SPTBN2: variants seen among roughly 807,000 people sequenced by gnomAD.
The protein encoded by SPTBN2 is spectrin beta chain, non-erythrocytic 2.
In SPTBN2, 107 loss-of-function variants were observed where a neutral mutation model predicts 284.2. That is an observed-to-expected ratio of 0.38 (90% CI 0.32 to 0.44). The LOEUF (loss-of-function observed/expected upper bound fraction) is 0.44. Ranked by LOEUF, SPTBN2 falls within the 20% of genes least tolerant of loss-of-function variation. The pLI is 1.00. For missense variants in SPTBN2, 2,569 were observed against 3,287.1 expected, an observed-to-expected ratio of 0.78 and a Z score of 5.34; for synonymous variants, 1,289 against 1,354.8, an observed-to-expected ratio of 0.95 and a Z score of 1.07.
intron 36 of SPTBN2, 69 bp downstream of exon 36, chr11:66,686,925 T>A (rs987876831): frequency 6.2e-7 from 1 of 1,604,454 alleles, no homozygotes; most frequent in Admixed American, 1.7e-5. Flanking sequence ...CCTCTGGACC[T>A]GACTCATGGC....
At chr11:66,732,229 G>A (rs1228535426), upstream of SPTBN2, among the ~76,000 whole-genome samples, 5 of 152,148 alleles carry the variant, frequency 3.3e-5, no homozygotes, top group African/African-American at 1.2e-4. Context: ...CTTACTCAGG[G>A]TCATCAAACC....
rs748088213 is a variant in SPTBN2, at chr11:66,713,699, T to C, written c.704A>G (p.Tyr235Cys). The C allele has an allele frequency of 3.7e-6, 6 of 1,614,196 alleles. No individual in the cohort carries two copies. The Admixed American group carries it at 6.7e-5, about 18-fold the overall frequency. Residue 235 changes from tyrosine to cysteine, a missense_variant, in exon 8 of 38, where the codon TAT becomes TGT. By Grantham distance (194) the Tyr-to-Cys change is radical (BLOSUM62 -2). Transcript: ENST00000533211. ...FESLKKCNAH[Y>C]NLQNAFNLAE... ...CAGATTGAATGCATTCTGCAGATTA[T>C]AGTGTGCATTACACTTCTTCAGAGA...
chr11:66,686,968 C>A (rs371580792), intron 36 of SPTBN2, 26 bp downstream of exon 36: 6 of 1,613,288 alleles, frequency 3.7e-6, no homozygotes, highest in Non-Finnish European at 5.1e-6. Context: ...TCCTCCCATC[C>A]CGAGAGCACT....
At chr11:66,734,883 C>T (rs935739570) in intron 1 of SPTBN2, among the ~76,000 whole-genome samples, 3 of 152,098 alleles carry the variant, frequency 2.0e-5, no homozygotes, top group Non-Finnish European at 4.4e-5. Flanking sequence ...TTCTTTTATC[C>T]CTAATCTATC....
In SPTBN2 at chr11:66,708,882, G is replaced by A; in HGVS notation, c.1191+20C>T. The A allele has an allele frequency of 6.2e-7, 1 of 1,602,462 alleles. No homozygotes were observed. The highest frequency in any genetic ancestry group is 8.5e-7 in the Non-Finnish European group (1 of 1,169,690). ...CCAGGGCCTGCCCTGAGGGTGGGTG[G>A]CCTGTGGGCAGCCACGGACCTTGTT... is the stretch of plus-strand genomic sequence containing the variant. On this transcript the variant is annotated intron_variant, in intron 11 of 37. Coordinates refer to ENST00000533211, the MANE Select transcript of SPTBN2 (RefSeq NM_006946.4). This position sits in a 1 kb window ranked among gnomAD's most constrained non-coding sequence, Gnocchi z 4.4.
chr11:66,703,821 T>C (rs917116686), intron 15 of SPTBN2, among the ~76,000 whole-genome samples: 1 of 152,174 alleles, frequency 6.6e-6, no homozygotes, highest in East Asian at 1.9e-4. Flanking sequence ...TATTATTGAA[T>C]AAATGATTTG....
upstream of SPTBN2, among the ~76,000 whole-genome samples, chr11:66,733,984 C>CAAAAAA (rs60666832): frequency 1.3e-5 from 1 of 75,764 alleles, no homozygotes; most frequent in African/African-American, 4.9e-5. Context: ...GACTCCGTCT[C>CAAAAAA]AAAAAAAAAA....
intron 15 of SPTBN2, 139 bp downstream of exon 15, chr11:66,704,459 T>C: frequency 9.5e-7 from 1 of 1,050,542 alleles, no homozygotes. Flanking sequence ...TTAACATTTT[T>C]TGTTAAAACT....
At position 66,710,987 on chromosome 11, in the gene SPTBN2, T is replaced by C. The variant is rs548652480; in HGVS notation, c.815A>G (p.Tyr272Cys). The C allele has an allele frequency of 3.1e-6, 5 of 1,614,216 alleles. No individual in the cohort carries two copies. The highest frequency in any genetic ancestry group is 1.7e-5 in the Admixed American group (1 of 60,028). The stretch of plus-strand genomic sequence containing the variant: ...GAAGTAATGGTAGTAAGTAGCCACA[T>C]AGGTAATGATTGACTTCTCATCTGG... ...DQPDEKSIIT[Y>C]VATYYHYFSK... The change falls in exon 9 of 38, where the codon TAT becomes TGT. Residue 272 changes from tyrosine (Y) to cysteine (C), a missense_variant. Physicochemically the swap from Tyr to Cys is radical, Grantham distance 194. Around this residue, in one of 6 missense-constraint regions of SPTBN2, gnomAD observed 304 missense variants for 522.1 expected, o/e 0.58. Transcript: ENST00000533211. The surrounding 1 kb of genome is among the most constrained non-coding windows in gnomAD (Gnocchi z 4.9).
At chr11:66,727,598 G>A (rs1488751437) in intron 1 of SPTBN2, among the ~76,000 whole-genome samples, 3 of 151,832 alleles carry the variant, frequency 2.0e-5, no homozygotes, top group Admixed American at 6.6e-5. Flanking sequence ...CCCGCCGCCC[G>A]AAGCGTCTGC....
intron 1 of SPTBN2, among the ~76,000 whole-genome samples, chr11:66,744,086 C>A (rs1707469699): frequency 1.3e-5 from 2 of 152,132 alleles, no homozygotes; most frequent in South Asian, 4.1e-4. Flanking sequence ...GTCTCGAACT[C>A]CTGACCTCAG....
rs1197993014 is a variant in SPTBN2, at chr11:66,687,182, G to A, written c.6723-15C>T. Reference sequence around the variant, plus strand: ...TCTGCCAGGACCTGCGAGGGACGCGGTGCTGACTGGCCGGCCTCAGTGGCG... The same window carrying A: ...TCTGCCAGGACCTGCGAGGGACGCGATGCTGACTGGCCGGCCTCAGTGGCG... On this transcript the variant is annotated splice_polypyrimidine_tract_variant and intron_variant, in intron 35 of 37. Coordinates refer to ENST00000533211, the MANE Select transcript of SPTBN2 (RefSeq NM_006946.4). The surrounding 1 kb of genome is among the most constrained non-coding windows in gnomAD (Gnocchi z 5.2). The A allele has an allele frequency of 2.5e-6, 4 of 1,613,318 alleles. No individual in the cohort carries two copies. Among genetic ancestry groups the A allele is most frequent in the Non-Finnish European group, 3.4e-6 (4 of 1,179,952 alleles).
chr11:66,744,009 C>G (rs1019551059), intron 1 of SPTBN2, among the ~76,000 whole-genome samples: 1 of 152,014 alleles, frequency 6.6e-6, no homozygotes, highest in Admixed American at 6.6e-5. Flanking sequence ...TACAGGCGCC[C>G]GCCACCACGC....
rs1293374961 is a variant in SPTBN2, at chr11:66,693,483, C to T, written c.4594-37G>A. On this transcript the variant is annotated intron_variant, in intron 23 of 37. Transcript: ENST00000533211. The surrounding 1 kb of genome is among the most constrained non-coding windows in gnomAD (Gnocchi z 5.7). ...CACAGAAGAGAAAATGCTGAAAGTC[C>T]TGCCCCAGCCCCACGTGCTCCCGGA... The T allele has an allele frequency of 6.3e-7, 1 of 1,581,028 alleles. No homozygotes were observed.
chr11:66,717,599 C>T (rs1942205645), intron 3 of SPTBN2, among the ~76,000 whole-genome samples: 1 of 152,220 alleles, frequency 6.6e-6, no homozygotes, highest in South Asian at 2.1e-4. Context: ...TGCCTTGGGG[C>T]CTCCCGGCAG....
In SPTBN2 at chr11:66,710,507, T is replaced by A. The variant is rs1941799538; in HGVS notation, c.1073+75A>T. ...TTATGTACTGCCAAATTTCCCTCCC[T>A]GAAGGCTGTGCTAATTTAGGCTTCC... On this transcript the variant is annotated intron_variant, in intron 10 of 37. Coordinates refer to ENST00000533211, the MANE Select transcript of SPTBN2 (RefSeq NM_006946.4). This position sits in a 1 kb window ranked among gnomAD's most constrained non-coding sequence, Gnocchi z 4.9. 2.6e-6 allele frequency: 4 copies of A among 1,509,892 alleles called. No homozygotes were observed. Among genetic ancestry groups the A allele is most frequent in the Non-Finnish European group, 3.6e-6 (4 of 1,105,184 alleles). 93.5% of individuals were successfully genotyped at this position (1,509,892 alleles called of 1,614,324 possible). A position where few individuals can be genotyped will look rare whatever the true frequency, so the allele number is the denominator to read the frequency against.
intron 30 of SPTBN2, 87 bp from the exon 31 acceptor site, chr11:66,688,936 A>G: frequency 6.5e-7 from 1 of 1,542,254 alleles, no homozygotes; most frequent in Non-Finnish European, 8.9e-7. Context: ...AAGAACAGGG[A>G]CACAGAGAAA....
intron 1 of SPTBN2, among the ~76,000 whole-genome samples, chr11:66,741,091 G>C (rs936049628): frequency 6.6e-6 from 1 of 152,120 alleles, no homozygotes; most frequent in Non-Finnish European, 1.5e-5. Context: ...TTTCTTTTTG[G>C]AATAAACAAG....
chr11:66,698,582 C>T (rs530921323), intron 20 of SPTBN2, 57 bp downstream of exon 20: 11 of 1,611,684 alleles, frequency 6.8e-6, no homozygotes, highest in Non-Finnish European at 8.5e-6. Context: ...TGGAGCCAGG[C>T]CCTCCCCCGT....
Sources: allele counts gnomAD v4.1 joint callset (sites outside exome capture counted in the v4.1 genomes callset), GRCh38; gene constraint gnomAD v4.1.1; regional missense constraint gnomAD v4.1.1; non-coding constraint Gnocchi (gnomAD v3.1); transcripts MANE v1.5; gene names NCBI Gene and HGNC (gene_info 2026-07-23, HGNC 2026-07-21).